GLIS3: variants seen among roughly 807,000 people sequenced by gnomAD.
The protein encoded by GLIS3 is zinc finger protein GLIS3.
Under a neutral mutation model 78.6 loss-of-function variants are expected in GLIS3, and 53 were observed. The ratio of observed to expected loss-of-function variants is 0.67; its 90% CI spans 0.54 to 0.85. The LOEUF (loss-of-function observed/expected upper bound fraction) is 0.85, where lower values mean the gene tolerates loss of function less well. Among genes scored for constraint, GLIS3 ranks in the 40% least tolerant of loss-of-function variants. The pLI is 0.00. For missense variants in GLIS3, 1,703 were observed against 1,231.1 expected (o/e 1.38, Z -5.74); for synonymous variants, 684 against 509.9 (o/e 1.34, Z -4.60).
chr9:3,973,369 C>A (rs914212022), intron 4 of GLIS3, among the ~76,000 whole-genome samples: 2 of 152,128 alleles, frequency 1.3e-5, no homozygotes, highest in African/African-American at 4.8e-5. Flanking sequence ...CCCAAAGCCT[C>A]CACTCTAAAT....
intron 2 of GLIS3, among the ~76,000 whole-genome samples, chr9:4,175,502 T>G (rs745444952): frequency 6.6e-6 from 1 of 152,192 alleles, no homozygotes; most frequent in Non-Finnish European, 1.5e-5. Context: ...AACTTTTATA[T>G]ATCCTTTGAG....
intron 4 of GLIS3, among the ~76,000 whole-genome samples, chr9:4,106,298 C>A (rs1439413440): frequency 6.6e-6 from 1 of 152,108 alleles, no homozygotes; most frequent in Non-Finnish European, 1.5e-5. Context: ...GTGACGCCTC[C>A]TAATTAGAAT....
intron 7 of GLIS3, among the ~76,000 whole-genome samples, chr9:3,884,990 A>C (rs1179760571): frequency 6.6e-6 from 1 of 152,196 alleles, no homozygotes; most frequent in African/African-American, 2.4e-5. Flanking sequence ...GTAGCCATCA[A>C]ACTGTGGGTT....
At chr9:4,285,915 G>C (rs374146401) in intron 2 of GLIS3, 123 bp downstream of exon 2, 14 of 1,188,314 alleles carry the variant, frequency 1.2e-5, no homozygotes, top group East Asian at 9.3e-5. Flanking sequence ...ATCATTATGA[G>C]ACCATCATCT....
intron 2 of GLIS3, among the ~76,000 whole-genome samples, chr9:4,183,944 G>C (rs1380131583): frequency 6.6e-6 from 1 of 152,086 alleles, no homozygotes; most frequent in East Asian, 1.9e-4. Context: ...AAACTAAGTA[G>C]CTAAATTAGC....
intron 2 of GLIS3, among the ~76,000 whole-genome samples, chr9:4,206,673 G>A (rs773056793): frequency 2.0e-5 from 3 of 152,146 alleles, no homozygotes; most frequent in African/African-American, 4.8e-5. Flanking sequence ...TCTAATAAGG[G>A]GTGTGAACCA....
At chr9:4,417,891 T>C in the GLIS3 span, among the ~76,000 whole-genome samples, 1 of 152,208 alleles carries the variant, frequency 6.6e-6, no homozygotes, top group Admixed American at 6.5e-5. Context: ...TATTTTGTAA[T>C]GTGGATTGGT....
At chr9:4,175,268 T>C (rs1263469932) in intron 2 of GLIS3, among the ~76,000 whole-genome samples, 1 of 152,192 alleles carries the variant, frequency 6.6e-6, no homozygotes, top group Non-Finnish European at 1.5e-5. Flanking sequence ...GATAATGTTA[T>C]TTTGTCAGAA....
chr9:4,416,252 TAAAAAAAAAAA>T, the GLIS3 span, among the ~76,000 whole-genome samples: 6 of 75,804 alleles, frequency 7.9e-5, no homozygotes, highest in Admixed American at 3.5e-4. Context: ...ACACTGTTTT[TAAAAAAAAAAA>T]AAAAAAAAAA....
chr9:4,021,349 A>T (rs1822868490), intron 4 of GLIS3, among the ~76,000 whole-genome samples: 1 of 152,186 alleles, frequency 6.6e-6, no homozygotes, highest in Non-Finnish European at 1.5e-5. Flanking sequence ...CAACTGAATA[A>T]GAGATTTCTC....
chr9:3,952,372 C>A (rs972885848), intron 4 of GLIS3, among the ~76,000 whole-genome samples: 2 of 152,164 alleles, frequency 1.3e-5, no homozygotes, highest in African/African-American at 2.4e-5. Flanking sequence ...CACCACCACC[C>A]AGGGGATCCC....
the GLIS3 span, among the ~76,000 whole-genome samples, chr9:4,423,090 G>A: frequency 6.6e-6 from 1 of 151,894 alleles, no homozygotes; most frequent in African/African-American, 2.4e-5. Flanking sequence ...TCCATAGGTG[G>A]GGTCCCCTGA....
At chr9:4,228,874 C>A (rs1305988687) in intron 2 of GLIS3, among the ~76,000 whole-genome samples, 1 of 152,186 alleles carries the variant, frequency 6.6e-6, no homozygotes, top group African/African-American at 2.4e-5. Context: ...GTTTCAAAAT[C>A]TACCCACCAG....
At chr9:3,842,894 C>T (rs1818808342) in intron 9 of GLIS3, among the ~76,000 whole-genome samples, 1 of 152,230 alleles carries the variant, frequency 6.6e-6, no homozygotes, top group African/African-American at 2.4e-5. Context: ...ATGGGCATCT[C>T]TTCCCCTTGG....
chr9:3,928,630 T>C (rs185019315), intron 6 of GLIS3, among the ~76,000 whole-genome samples: 81 of 152,274 alleles, frequency 5.3e-4, no homozygotes, highest in Non-Finnish European at 9.7e-4. Context: ...TTACAGTAAA[T>C]AGACTGCCCT....
At chr9:4,397,244 C>G in the GLIS3 span, among the ~76,000 whole-genome samples, 5 of 147,162 alleles carry the variant, frequency 3.4e-5, no homozygotes, top group African/African-American at 5.1e-5. Flanking sequence ...CCGGGATGGT[C>G]TCGATCTCCT....
chr9:4,454,061 T>C, the GLIS3 span, among the ~76,000 whole-genome samples: 1 of 149,744 alleles, frequency 6.7e-6, no homozygotes, highest in African/African-American at 2.5e-5. Context: ...CTTTTAAAAA[T>C]CAGCTTTATT....
chr9:4,105,626 T>TA (rs1830691400), intron 4 of GLIS3, among the ~76,000 whole-genome samples: 1 of 152,232 alleles, frequency 6.6e-6, no homozygotes, highest in Admixed American at 6.5e-5. Context: ...TTCCTGACTC[T>TA]GTGGTCTAGT....
Position 3,905,140 on chromosome 9 carries a change from A to ATTTTTTTTTTTTTTTTTTTTT in GLIS3, c.1984-6306_1984-6305insAAAAAAAAAAAAAAAAAAAAA, listed in dbSNP as rs369063136. On this transcript the variant is annotated intron_variant, in intron 6 of 10. Transcript: ENST00000381971. ...GGCGCCTGCCGCCACGCCCGGTTAAATTTTTTTCTTTTTTTTTTTTTTGCT... is the reference window on the plus strand; with the variant it reads ...GGCGCCTGCCGCCACGCCCGGTTAAATTTTTTTTTTTTTTTTTTTTTTTTTTTTCTTTTTTTTTTTTTTGCT... Among the ~76,000 whole-genome samples, 9 of 109,120 alleles carry ATTTTTTTTTTTTTTTTTTTTT rather than the reference A, an allele frequency of 8.2e-5. 1 individual carries two copies. Among genetic ancestry groups the ATTTTTTTTTTTTTTTTTTTTT allele is most frequent in the African/African-American group, 1.0e-4 (3 of 29,028 alleles). 71.6% of individuals were successfully genotyped at this position (109,120 alleles called of 152,430 possible).
Sources: gnomAD v4.1 joint callset for allele counts (sites outside exome capture counted in the v4.1 genomes callset) on GRCh38, gnomAD v4.1.1 for gene constraint, MANE v1.5 for transcripts, NCBI Gene and HGNC (gene_info 2026-07-23, HGNC 2026-07-21) for gene names.